Variants in MSRA observed in about 807,000 individuals in gnomAD.
MSRA encodes mitochondrial peptide methionine sulfoxide reductase.
A neutral mutation model predicts 31.3 loss-of-function variants in MSRA; 54 were observed. That is an observed-to-expected ratio of 1.73 (90% CI 1.39 to 2.17). The LOEUF (loss-of-function observed/expected upper bound fraction) is 2.17, where lower values mean the gene tolerates loss of function less well. Among genes scored for constraint, MSRA ranks in the 30% most tolerant of loss-of-function variants. The pLI, the probability that MSRA is intolerant of heterozygous loss-of-function variation, is 0.00. For missense variants in MSRA, 507 were observed against 300.9 expected (o/e 1.69, Z -5.07); for synonymous variants, 169 against 116.5 (o/e 1.45, Z -2.90).
rs138816529 is a variant in MSRA at position 10,265,481 on chromosome 8, G to C, written c.331+20258G>C. Among the ~76,000 whole-genome samples, 569 of 152,258 alleles carry C rather than the reference G, an allele frequency of 3.7e-3. 6 individuals are homozygous for C. Among genetic ancestry groups the C allele is most frequent in the South Asian group, 0.036 (175 of 4,826 alleles). ...CTTTGGAATCTTCTCTTCTCCCAGG[G>C]TAGGAAATAGAAACTCAACAAAGGT... is the stretch of plus-strand genomic sequence containing the variant. On this transcript the variant is annotated intron_variant, in intron 3 of 5. Coordinates refer to ENST00000317173, the MANE Select transcript of MSRA (RefSeq NM_012331.5).
chr8:10,244,209 A>G (rs978700189), intron 2 of MSRA, among the ~76,000 whole-genome samples: 5 of 152,228 alleles, frequency 3.3e-5, no homozygotes, highest in African/African-American at 1.2e-4. Context: ...TGAGTGAGGC[A>G]GTAATCTTTT....
At chr8:10,283,287 A>G (rs767841329) in intron 3 of MSRA, among the ~76,000 whole-genome samples, 2 of 152,126 alleles carry the variant, frequency 1.3e-5, no homozygotes, top group Non-Finnish European at 2.9e-5. Flanking sequence ...ATTTTGTCAT[A>G]TAAAAATTGC....
intron 2 of MSRA, among the ~76,000 whole-genome samples, chr8:10,208,200 T>C (rs1329864507): frequency 6.6e-6 from 1 of 151,866 alleles, no homozygotes; most frequent in Non-Finnish European, 1.5e-5. Context: ...AGTTTTTCTT[T>C]GCTAGCACGG....
intron 5 of MSRA, among the ~76,000 whole-genome samples, chr8:10,365,844 G>A (rs550788298): frequency 6.6e-6 from 1 of 152,206 alleles, no homozygotes; most frequent in Non-Finnish European, 1.5e-5. Context: ...CTGGGTAAGG[G>A]AGGAACGATG....
At chr8:10,344,449 C>T (rs1803639720) in intron 5 of MSRA, among the ~76,000 whole-genome samples, 1 of 151,876 alleles carries the variant, frequency 6.6e-6, no homozygotes, top group Non-Finnish European at 1.5e-5. Flanking sequence ...TGGTGGGCTC[C>T]TGAAGTCCCA....
At chr8:10,291,732 G>C (rs1342548766) in intron 3 of MSRA, among the ~76,000 whole-genome samples, 1 of 152,058 alleles carries the variant, frequency 6.6e-6, no homozygotes, top group Non-Finnish European at 1.5e-5. Context: ...TGGTTTAACG[G>C]TTTGGATAAG....
chr8:10,190,930 T>G (rs1330667714), intron 1 of MSRA, among the ~76,000 whole-genome samples: 2 of 152,182 alleles, frequency 1.3e-5, no homozygotes, highest in African/African-American at 4.8e-5. Flanking sequence ...TGAGACTAAG[T>G]TCAGGAGTCA....
intron 4 of MSRA, among the ~76,000 whole-genome samples, chr8:10,309,315 G>A (rs536680720): frequency 2.6e-5 from 4 of 152,272 alleles, no homozygotes; most frequent in African/African-American, 9.6e-5. Flanking sequence ...GCACACGGGC[G>A]CGGAGCCTGC....
chr8:10,314,187 G>A (rs1168185629), intron 4 of MSRA, among the ~76,000 whole-genome samples: 1 of 151,602 alleles, frequency 6.6e-6, no homozygotes, highest in African/African-American at 2.4e-5. Context: ...TCATCAAAAA[G>A]CATCATAAAG....
chr8:10,116,199 C>G (rs963395411), intron 1 of MSRA, among the ~76,000 whole-genome samples: 1 of 152,166 alleles, frequency 6.6e-6, no homozygotes. Flanking sequence ...CACATGTGGC[C>G]CAGGATGCCG....
chr8:10,202,018 C>G (rs922528435), intron 1 of MSRA, among the ~76,000 whole-genome samples: 3 of 152,230 alleles, frequency 2.0e-5, no homozygotes, highest in African/African-American at 7.2e-5. Context: ...ACTCTTGTGT[C>G]TCCATTTGAC....
chr8:10,286,833 G>T (rs1441046198), intron 3 of MSRA, among the ~76,000 whole-genome samples: 4 of 152,236 alleles, frequency 2.6e-5, no homozygotes, highest in Non-Finnish European at 5.9e-5. Flanking sequence ...GAGAAACTAA[G>T]TATCAGCACA....
At chr8:10,403,682 G>T (rs1172265853) in intron 5 of MSRA, among the ~76,000 whole-genome samples, 1 of 152,228 alleles carries the variant, frequency 6.6e-6, no homozygotes, top group Non-Finnish European at 1.5e-5. Context: ...GCACAACTGT[G>T]GGCTCTACTG....
At chr8:10,345,615 T>C (rs1252356316) in intron 5 of MSRA, among the ~76,000 whole-genome samples, 4 of 152,240 alleles carry the variant, frequency 2.6e-5, no homozygotes, top group Non-Finnish European at 2.9e-5. Flanking sequence ...ATAATAATTA[T>C]GAAGAATTCT....
chr8:10,186,917 C>G (rs1382918120), intron 1 of MSRA, among the ~76,000 whole-genome samples: 1 of 152,120 alleles, frequency 6.6e-6, no homozygotes, highest in Non-Finnish European at 1.5e-5. Context: ...AGCCTTAGAT[C>G]TTTTTGTGTG....
intron 3 of MSRA, among the ~76,000 whole-genome samples, chr8:10,264,628 G>A (rs947841288): frequency 5.3e-5 from 8 of 152,162 alleles, no homozygotes; most frequent in African/African-American, 1.9e-4. Context: ...GTGAGCAGGT[G>A]GGCATGATGA....
chr8:10,407,202 T>C (rs1807873903), intron 5 of MSRA, among the ~76,000 whole-genome samples: 1 of 152,214 alleles, frequency 6.6e-6, no homozygotes, highest in Non-Finnish European at 1.5e-5. Context: ...TTTCTTTGTG[T>C]TCTTGCAAAT....
At chr8:10,317,021 G>A in intron 4 of MSRA, among the ~76,000 whole-genome samples, 1 of 152,192 alleles carries the variant, frequency 6.6e-6, no homozygotes, top group South Asian at 2.1e-4. Flanking sequence ...CTGTAAGGCA[G>A]GATCCGTTTT....
In MSRA at chr8:10,256,588, T is replaced by C. The variant is rs569027681; in HGVS notation, c.331+11365T>C. Among the ~76,000 whole-genome samples, 15 of 152,274 alleles carry C rather than the reference T, an allele frequency of 9.9e-5. No homozygotes were observed. In the South Asian group the frequency reaches 2.9e-3, roughly 30 times the overall value. On this transcript the variant is annotated intron_variant, in intron 3 of 5. Transcript: ENST00000317173. ...CTTCATCCATCAAAAGCACTTAACA[T>C]TGAAACTTACTTTTCTTTTCTGAGC... is the stretch of plus-strand genomic sequence containing the variant.
Sources: allele counts gnomAD v4.1 joint callset (sites outside exome capture counted in the v4.1 genomes callset), GRCh38; gene constraint gnomAD v4.1.1; transcripts MANE v1.5; gene names NCBI Gene and HGNC (gene_info 2026-07-23, HGNC 2026-07-21).